Variants in RAPH1 observed in about 807,000 individuals in gnomAD.
The protein encoded by RAPH1 is ras-associated and pleckstrin homology domains-containing protein 1.
A neutral mutation model predicts 88.1 loss-of-function variants in RAPH1; 18 were observed. The ratio of observed to expected loss-of-function variants is 0.20; its 90% confidence interval spans 0.14 to 0.30. The LOEUF (loss-of-function observed/expected upper bound fraction) is 0.30, where lower values mean the gene tolerates loss of function less well. RAPH1 is among the 10% of genes least tolerant of loss of function. The probability of loss-of-function intolerance (pLI) is 1.00; values close to 1 mark genes in which losing one functional copy is unlikely to be tolerated. For missense variants in RAPH1, 1,448 were observed against 1,543.2 expected, an observed-to-expected ratio of 0.94 and a Z score of 1.03; for synonymous variants, 587 against 559.0, an observed-to-expected ratio of 1.05 and a Z score of -0.71.
intron 1 of RAPH1, among the ~76,000 whole-genome samples, chr2:203,495,625 AAC>A (rs1043102921): frequency 3.3e-5 from 5 of 152,190 alleles, no homozygotes; most frequent in Non-Finnish European, 7.3e-5. Context: ...TAAAAAAATT[AAC>A]AGAGCACCCC....
chr2:203,506,715 G>A (rs1376743287), intron 1 of RAPH1, among the ~76,000 whole-genome samples: 4 of 137,836 alleles, frequency 2.9e-5, no homozygotes, highest in Non-Finnish European at 6.1e-5. Flanking sequence ...ATAATCCACT[G>A]ACTAAAATCC....
intron 4 of RAPH1, among the ~76,000 whole-genome samples, chr2:203,478,401 C>G (rs1434073718): frequency 6.6e-6 from 1 of 152,084 alleles, no homozygotes; most frequent in Non-Finnish European, 1.5e-5. Context: ...CCACACTGTA[C>G]CAAAATCACT....
In RAPH1 at chr2:203,440,882, G is replaced by A; in HGVS notation, c.2308C>T (p.Pro770Ser). Residue 770 changes from proline to serine, a missense_variant, in exon 14 of 14, where the codon CCT becomes TCT. Coordinates refer to ENST00000319170, the MANE Select transcript of RAPH1 (RefSeq NM_213589.3). ...GGAGCTTGGGGAGGGAGGGGTGCAG[G>A]GATAGGAGGAGGTGGGGGGGGTGTT... ...PPTPPPPPPIPAPLPPQAPPK... is the reference protein window; with the variant it reads ...PPTPPPPPPISAPLPPQAPPK... 2 of 1,404,754 alleles carry A rather than the reference G, an allele frequency of 1.4e-6. No individual in the cohort carries two copies. The highest frequency in any genetic ancestry group is 1.3e-5 in the South Asian group (1 of 77,590). The allele number at this position is 1,404,754 out of a possible 1,614,324, so 87.0% of individuals were successfully genotyped here.
At chr2:203,491,043 TCAAAAAAAAAAAAAAAAGAAAAAA>T (rs1344937577) in intron 3 of RAPH1, among the ~76,000 whole-genome samples, 147 bp downstream of exon 3, 2 of 126,076 alleles carry the variant, frequency 1.6e-5, no homozygotes. Context: ...AAACTCTGTC[TCAAAAAAAAAAAAAAAAGAAAAAA>T]GAAAAGAAAA....
intron 4 of RAPH1, among the ~76,000 whole-genome samples, chr2:203,471,614 GA>G (rs910687650): frequency 1.0e-4 from 14 of 137,116 alleles, no homozygotes; most frequent in South Asian, 2.3e-4. Context: ...CTTGTCTCAA[GA>G]AAAAAAAAAA....
At chr2:203,493,597 A>G (rs1688370465) in intron 2 of RAPH1, among the ~76,000 whole-genome samples, 1 of 152,192 alleles carries the variant, frequency 6.6e-6, no homozygotes, top group African/African-American at 2.4e-5. Context: ...TACAGACATA[A>G]GACATCTCTG....
intron 4 of RAPH1, chr2:203,470,245 C>G: frequency 6.2e-7 from 1 of 1,610,524 alleles, no homozygotes; most frequent in East Asian, 2.2e-5. Flanking sequence ...TCACCTTGGT[C>G]AGCAAATGAG....
intron 1 of RAPH1, among the ~76,000 whole-genome samples, chr2:203,512,724 G>C (rs996904126): frequency 4.0e-5 from 6 of 148,974 alleles, no homozygotes; most frequent in African/African-American, 1.5e-4. Flanking sequence ...CCAGGTTCAA[G>C]CGATTCTCCT....
chr2:203,462,149 A>G (rs1022413303), intron 4 of RAPH1, among the ~76,000 whole-genome samples: 77 of 152,226 alleles, frequency 5.1e-4, no homozygotes, highest in African/African-American at 1.7e-3. Flanking sequence ...TCTACATCCA[A>G]TATTCTAGAG....
At chr2:203,442,674 C>T (rs1232484739) in intron 13 of RAPH1, 1 of 152,246 alleles carries the variant, frequency 6.6e-6, no homozygotes, top group African/African-American at 2.4e-5. Flanking sequence ...GCACCTGAGA[C>T]TGAGGTAACA....
Position 203,494,006 on chromosome 2 carries a change from GA to G in RAPH1, c.120+1227del, listed in dbSNP as rs1229510893. Among the ~76,000 whole-genome samples, 157 of 100,538 alleles carry G rather than the reference GA, an allele frequency of 1.6e-3. 1 individual carries two copies. Among genetic ancestry groups the G allele is most frequent in the South Asian group, 7.3e-3 (22 of 3,004 alleles). The allele number at this position is 100,538 out of a possible 152,430, so 66.0% of individuals were successfully genotyped here. On this transcript the variant is annotated intron_variant, in intron 2 of 13. Transcript: ENST00000319170. Reference sequence around the variant, plus strand: ...AAAAAAAAAAAAAAAAAAGAAAAAAGAAAAAAAAAAATCCCCCCAAAATACA... The same window carrying G: ...AAAAAAAAAAAAAAAAAAGAAAAAAGAAAAAAAAAATCCCCCCAAAATACA...
In RAPH1 at chr2:203,438,657, G is replaced by C. The variant is rs1342901545; in HGVS notation, c.*780C>G. On this transcript the variant is annotated 3_prime_UTR_variant, in exon 14 of 14. Transcript: ENST00000319170. ...TAGCACTAATTATCCATGTATTGTA[G>C]GCAAAGAGCTTATCTGTCAGCACAT... The C allele has an allele frequency of 1.9e-5, 3 of 161,568 alleles. No homozygotes were observed. Among genetic ancestry groups the C allele is most frequent in the Non-Finnish European group, 4.0e-5 (3 of 74,252 alleles). The allele number at this position is 161,568 out of a possible 1,614,324, so 10.0% of individuals were successfully genotyped here.
At chr2:203,479,660 T>C (rs1275235611) in intron 4 of RAPH1, among the ~76,000 whole-genome samples, 1 of 151,052 alleles carries the variant, frequency 6.6e-6, no homozygotes, top group South Asian at 2.1e-4. Context: ...TGATTGCCTA[T>C]GTTACATATA....
intron 1 of RAPH1, among the ~76,000 whole-genome samples, 187 bp from the exon 2 acceptor site, chr2:203,495,540 A>C (rs920659263): frequency 6.6e-6 from 1 of 152,214 alleles, no homozygotes; most frequent in African/African-American, 2.4e-5. Flanking sequence ...AGAAACAAAG[A>C]ATAAAGTTTC....
Position 203,440,798 on chromosome 2 carries a change from C to A in RAPH1, c.2392G>T (p.Val798Leu). The A allele has an allele frequency of 2.5e-6, 4 of 1,596,490 alleles. No homozygotes were observed. Among genetic ancestry groups the A allele is most frequent in the Non-Finnish European group, 3.4e-6 (4 of 1,173,112 alleles). ...GGTGTGGGTGGTGCAGCTTGAGTCA[C>A]AACAGGTGCCACAGTCTTGGTGCTG... Reference protein sequence around the residue: ...PTSTKTVAPVVTQAAPPTPTP... With the variant: ...PTSTKTVAPVLTQAAPPTPTP... Residue 798 changes from valine (V) to leucine (L), a missense_variant, in exon 14 of 14, where the codon GTG becomes TTG. Val to Leu is a conservative substitution (Grantham distance 32, BLOSUM62 1). Coordinates refer to ENST00000319170, the MANE Select transcript of RAPH1 (RefSeq NM_213589.3).
intron 10 of RAPH1, 92 bp downstream of exon 10, chr2:203,454,338 T>C (rs536990095): frequency 1.2e-6 from 1 of 818,604 alleles, no homozygotes; most frequent in African/African-American, 1.7e-5. Flanking sequence ...AAAAACAGTA[T>C]AATTGATGGA....
chr2:203,526,736 C>A (rs1690137575), intron 1 of RAPH1, among the ~76,000 whole-genome samples: 1 of 146,408 alleles, frequency 6.8e-6, no homozygotes, highest in Admixed American at 6.8e-5. Flanking sequence ...AAATACAATA[C>A]ACTATGAAGT....
chr2:203,513,154 C>T lies in RAPH1; in HGVS notation c.1-17801G>A, dbSNP rs184949529. The stretch of plus-strand genomic sequence containing the variant: ...TAATTCTGCCACTAACTAGCTAGAA[C>T]TTTGAGTTAAATCATTTAAATCCTT... On this transcript the variant is annotated intron_variant, in intron 1 of 13. Coordinates refer to ENST00000319170, the MANE Select transcript of RAPH1 (RefSeq NM_213589.3). Among the ~76,000 whole-genome samples, 29 of 151,554 alleles carry T rather than the reference C, an allele frequency of 1.9e-4. No individual in the cohort carries two copies. The East Asian group carries it at 4.9e-3, about 25-fold the overall frequency.
chr2:203,446,803 G>C (rs1383900557), intron 12 of RAPH1: 3 of 152,042 alleles, frequency 2.0e-5, no homozygotes, highest in Non-Finnish European at 4.4e-5. Flanking sequence ...GAGCACAGTG[G>C]TGTGATTATA....
Sources: gnomAD v4.1 joint callset for allele counts (sites outside exome capture counted in the v4.1 genomes callset) on GRCh38, gnomAD v4.1.1 for gene constraint, MANE v1.5 for transcripts, NCBI Gene and HGNC (gene_info 2026-07-23, HGNC 2026-07-21) for gene names.